The following RFX3 variants were observed in gnomAD, a reference collection of about 807,000 sequenced individuals.
The protein encoded by RFX3 is regulatory factor X3.
RFX3 carries 14 observed loss-of-function variants against 98.6 expected under a neutral mutation model. The ratio of observed to expected loss-of-function variants is 0.14; its 90% CI spans 0.09 to 0.22. The LOEUF (loss-of-function observed/expected upper bound fraction) is 0.22. Ranked by LOEUF, RFX3 falls within the 10% of genes least tolerant of loss-of-function variation. RFX3 has a pLI of 1.00. For synonymous variants in RFX3, 383 were observed against 328.4 expected (o/e 1.17, Z -1.80); for missense variants, 639 against 926.9 (o/e 0.69, Z 4.03).
chr9:3,368,535 A>C (rs1344264316), intron 2 of RFX3, among the ~76,000 whole-genome samples: 1 of 152,226 alleles, frequency 6.6e-6, no homozygotes, highest in Non-Finnish European at 1.5e-5. Context: ...AAATAATTTA[A>C]AGATAAGAAA....
intron 1 of RFX3, among the ~76,000 whole-genome samples, chr9:3,399,449 C>G (rs1841256576): frequency 6.7e-6 from 1 of 149,938 alleles, no homozygotes; most frequent in South Asian, 2.1e-4. Context: ...CGTCTCAAAA[C>G]AAAAAACAAA....
At chr9:3,420,559 G>C (rs1843358341) in intron 1 of RFX3, among the ~76,000 whole-genome samples, 1 of 152,138 alleles carries the variant, frequency 6.6e-6, no homozygotes, top group African/African-American at 2.4e-5. Flanking sequence ...TAAGAGACTT[G>C]TCTAAGGTCA....
intron 1 of RFX3, among the ~76,000 whole-genome samples, chr9:3,479,856 G>A (rs986932304): frequency 4.6e-5 from 7 of 152,152 alleles, no homozygotes; most frequent in African/African-American, 1.7e-4. Flanking sequence ...TCTCTGAAGA[G>A]ACTCAGAACA....
intron 1 of RFX3, among the ~76,000 whole-genome samples, chr9:3,467,838 T>C (rs1848452579): frequency 2.6e-5 from 4 of 152,046 alleles, no homozygotes; most frequent in African/African-American, 9.7e-5. Flanking sequence ...GACACAGAGT[T>C]GTCAACAAAA....
chr9:3,418,114 C>G (rs1406247233), intron 1 of RFX3, among the ~76,000 whole-genome samples: 1 of 152,120 alleles, frequency 6.6e-6, no homozygotes, highest in Non-Finnish European at 1.5e-5. Context: ...ATCCACATTG[C>G]TTAAATTCAT....
At chr9:3,270,607 A>G (rs1824294741) in intron 10 of RFX3, 82 bp from the exon 11 acceptor site, 1 of 1,352,040 alleles carries the variant, frequency 7.4e-7, no homozygotes, top group Non-Finnish European at 1.0e-6. Flanking sequence ...GTTTAAGTTT[A>G]CCAAATATTA....
chr9:3,454,768 T>A (rs1242506620), intron 1 of RFX3, among the ~76,000 whole-genome samples: 3 of 152,222 alleles, frequency 2.0e-5, no homozygotes, highest in Non-Finnish European at 4.4e-5. Flanking sequence ...TTTTATATAA[T>A]GCTTTACAGT....
chr9:3,373,507 T>G (rs926049564), intron 2 of RFX3, among the ~76,000 whole-genome samples: 10 of 152,224 alleles, frequency 6.6e-5, no homozygotes, highest in Admixed American at 5.9e-4. Context: ...TAATTGCCTG[T>G]GTGGCTGCAC....
At chr9:3,354,892 A>G (rs1410363762) in intron 2 of RFX3, among the ~76,000 whole-genome samples, 1 of 151,914 alleles carries the variant, frequency 6.6e-6, no homozygotes, top group Admixed American at 6.6e-5. Context: ...CTGACTATGT[A>G]GAGCAAAAAT....
At chr9:3,422,803 T>C (rs1284583031) in intron 1 of RFX3, among the ~76,000 whole-genome samples, 1 of 152,142 alleles carries the variant, frequency 6.6e-6, no homozygotes, top group African/African-American at 2.4e-5. Context: ...TTCAGGAGGT[T>C]TTATAAAAAT....
At chr9:3,248,259 T>C in intron 14 of RFX3, 74 bp from the exon 15 acceptor site, 2 of 1,466,854 alleles carry the variant, frequency 1.4e-6, no homozygotes. Context: ...TTTTTCCTCT[T>C]AAAAAAAAGT....
intron 1 of RFX3, chr9:3,524,749 T>A: frequency 3.4e-6 from 1 of 293,578 alleles, no homozygotes; most frequent in Non-Finnish European, 5.0e-6. Context: ...CCCTCCCACC[T>A]CCACATGAAG....
At chr9:3,499,544 T>C (rs1587865604) in intron 1 of RFX3, among the ~76,000 whole-genome samples, 1 of 152,170 alleles carries the variant, frequency 6.6e-6, no homozygotes, top group South Asian at 2.1e-4. Flanking sequence ...ATTATTTGAA[T>C]GTAAATGAGA....
intron 1 of RFX3, among the ~76,000 whole-genome samples, chr9:3,486,503 A>T (rs1850287699): frequency 6.6e-6 from 1 of 152,146 alleles, no homozygotes; most frequent in South Asian, 2.1e-4. Context: ...TGCTGTCAAT[A>T]CCCATTTTTT....
chr9:3,341,018 C>T (rs111864204), intron 3 of RFX3, among the ~76,000 whole-genome samples: 3 of 152,062 alleles, frequency 2.0e-5, no homozygotes, highest in East Asian at 1.9e-4. Context: ...TGTCCAACAA[C>T]AATAGACTGG....
chr9:3,350,852 A>G (rs986732410), intron 2 of RFX3, among the ~76,000 whole-genome samples: 3 of 152,162 alleles, frequency 2.0e-5, no homozygotes, highest in African/African-American at 2.4e-5. Context: ...AAAAGGTTAC[A>G]TACTGTAGGA....
chr9:3,488,243 T>C (rs2133460526), intron 1 of RFX3, among the ~76,000 whole-genome samples: 1 of 152,298 alleles, frequency 6.6e-6, no homozygotes, highest in Non-Finnish European at 1.5e-5. Flanking sequence ...TAATTTAAGA[T>C]AAGCTCATTT....
At chr9:3,244,838 T>G (rs1320458657) in intron 15 of RFX3, among the ~76,000 whole-genome samples, 2 of 152,204 alleles carry the variant, frequency 1.3e-5, no homozygotes, top group Non-Finnish European at 2.9e-5. Context: ...ATCCCCCACT[T>G]GAAATCTAAG....
chr9:3,417,204 C>T lies in RFX3; in HGVS notation c.-8-21608G>A, dbSNP rs12685823. 1.1e-4 allele frequency among the ~76,000 whole-genome samples: 16 copies of T among 151,784 alleles called. No homozygotes were observed. The East Asian group carries it at 2.5e-3, about 24-fold the overall frequency. Reference sequence around the variant, plus strand: ...TGTCAGAACTCCAATATACATAAAACGAAACCTAGTTGATCTGAAAAAGAA... The same window carrying T: ...TGTCAGAACTCCAATATACATAAAATGAAACCTAGTTGATCTGAAAAAGAA... On this transcript the variant is annotated intron_variant, in intron 1 of 16. Transcript: ENST00000617270.
Sources: allele counts gnomAD v4.1 joint callset (sites outside exome capture counted in the v4.1 genomes callset), GRCh38; gene constraint gnomAD v4.1.1; transcripts MANE v1.5; gene names NCBI Gene and HGNC (gene_info 2026-07-23, HGNC 2026-07-21).